The following SUCLG2 variants were observed in gnomAD, a reference collection of about 807,000 sequenced individuals.
The protein encoded by SUCLG2 is succinate--CoA ligase [GDP-forming] subunit beta, mitochondrial.
Under a neutral mutation model 47.9 loss-of-function variants are expected in SUCLG2, and 42 were observed. The ratio of observed to expected loss-of-function variants is 0.88; its 90% CI spans 0.69 to 1.14. The LOEUF (loss-of-function observed/expected upper bound fraction) is 1.14, where lower values mean the gene tolerates loss of function less well. SUCLG2 is among the 50% of genes most tolerant of loss of function. The pLI is 0.00. For synonymous variants in SUCLG2, 195 were observed against 197.3 expected (o/e 0.99, Z 0.10); for missense variants, 571 against 525.9 (o/e 1.09, Z -0.84).
rs540309118 is a variant in SUCLG2, at chr3:67,649,302, C to G, written c.84+5201G>C. ...TATAGGCCAGTTGTACCTCTGTGCC[C>G]TCTGAAGGTAGGAGCTGTGTTTCTT... On this transcript the variant is annotated intron_variant, in intron 1 of 10. Transcript: ENST00000307227. 9.2e-5 allele frequency among the ~76,000 whole-genome samples: 14 copies of G among 152,270 alleles called. No individual in the cohort carries two copies. The East Asian group carries it at 2.7e-3, about 29-fold the overall frequency.
rs565820463 is a variant in SUCLG2, at chr3:67,454,406, A to T, written c.1062+41392T>A. ...AAACTAAGAAAAACATCAAATATATAAAAAAAAAATAGAAGGTGAAATAAT... is the reference window on the plus strand; with the variant it reads ...AAACTAAGAAAAACATCAAATATATTAAAAAAAAATAGAAGGTGAAATAAT... On this transcript the variant is annotated intron_variant, in intron 9 of 10. Transcript: ENST00000307227. Among the ~76,000 whole-genome samples the T allele has an allele frequency of 0.032, 212 of 6,692 alleles. 3 individuals are homozygous for T. In the East Asian group the frequency reaches 0.38, roughly 12 times the overall value. The allele number at this position is 6,692 out of a possible 152,430, so 4.4% of individuals were successfully genotyped here.
At chr3:67,564,567 G>C (rs1287974041) in intron 2 of SUCLG2, among the ~76,000 whole-genome samples, 1 of 152,236 alleles carries the variant, frequency 6.6e-6, no homozygotes, top group Non-Finnish European at 1.5e-5. Flanking sequence ...AATCATCTGT[G>C]TTTCAGATTC....
At chr3:67,405,034 G>T (rs4443191) in intron 9 of SUCLG2, among the ~76,000 whole-genome samples, 70,771 of 149,300 alleles carry the variant, frequency 0.47, 17,426 homozygotes, top group Middle Eastern at 0.68. Flanking sequence ...AGACTCTCCC[G>T]GAAGATCCCA....
At position 67,360,594 on chromosome 3, in the gene SUCLG2, A is replaced by G. The variant is rs752246281; in HGVS notation, c.*35T>C. 3.4e-6 allele frequency: 5 copies of G among 1,460,564 alleles called. No homozygotes were observed. The South Asian group carries it at 6.8e-5, about 20-fold the overall frequency. 90.5% of individuals were successfully genotyped at this position (1,460,564 alleles called of 1,614,324 possible). A position where few individuals can be genotyped will look rare whatever the true frequency, so the allele number is the denominator to read the frequency against. ...GTGATGATATTCATTAATTTGGAAA[A>G]GTAATCTCAGCAAGTATCTTAGCAA... On this transcript the variant is annotated 3_prime_UTR_variant, in exon 11 of 11. Transcript: ENST00000493112.
intron 2 of SUCLG2, among the ~76,000 whole-genome samples, chr3:67,572,492 C>T (rs966617240): frequency 6.6e-6 from 1 of 152,152 alleles, no homozygotes; most frequent in Non-Finnish European, 1.5e-5. Flanking sequence ...TATCAGTGTT[C>T]TTACAAACAT....
intron 1 of SUCLG2, among the ~76,000 whole-genome samples, chr3:67,636,438 T>C (rs1188639819): frequency 6.6e-6 from 1 of 151,512 alleles, no homozygotes; most frequent in Non-Finnish European, 1.5e-5. Context: ...CTGCAAGCTC[T>C]GCCTCCCGGG....
intron 9 of SUCLG2, among the ~76,000 whole-genome samples, chr3:67,467,964 T>G (rs1704514277): frequency 6.6e-6 from 1 of 152,142 alleles, no homozygotes; most frequent in Admixed American, 6.5e-5. Context: ...CGAGAAATGC[T>G]ATTGTGAAAA....
intron 9 of SUCLG2, among the ~76,000 whole-genome samples, chr3:67,402,613 G>A (rs1312146418): frequency 6.6e-6 from 1 of 152,212 alleles, no homozygotes; most frequent in Non-Finnish European, 1.5e-5. Flanking sequence ...GAACTTGCCA[G>A]AACAATAGAA....
intron 9 of SUCLG2, among the ~76,000 whole-genome samples, chr3:67,484,892 T>G (rs964021506): frequency 6.6e-6 from 1 of 152,176 alleles, no homozygotes; most frequent in African/African-American, 2.4e-5. Context: ...CACAGAGAAA[T>G]CAGTGGAATC....
At chr3:67,380,984 C>T (rs1362650210) in intron 10 of SUCLG2, among the ~76,000 whole-genome samples, 1 of 151,882 alleles carries the variant, frequency 6.6e-6, no homozygotes, top group East Asian at 1.9e-4. Flanking sequence ...GTTGAGGGAA[C>T]AACTGGAAGG....
At chr3:67,371,165 A>G (rs2106749742), downstream of SUCLG2, among the ~76,000 whole-genome samples, 1 of 152,288 alleles carries the variant, frequency 6.6e-6, no homozygotes, top group South Asian at 2.1e-4. Context: ...AGAGCTCCCA[A>G]TAAACATGCC....
chr3:67,526,103 T>C (rs74664012), intron 4 of SUCLG2, among the ~76,000 whole-genome samples: 1 of 152,186 alleles, frequency 6.6e-6, no homozygotes, highest in Non-Finnish European at 1.5e-5. Context: ...ATATGGCCTT[T>C]CTTGCTTCAT....
intron 10 of SUCLG2, among the ~76,000 whole-genome samples, chr3:67,396,519 G>A: frequency 6.6e-6 from 1 of 152,236 alleles, no homozygotes; most frequent in African/African-American, 2.4e-5. Context: ...CTGAAATTGT[G>A]GCAATAATCA....
At chr3:67,415,075 C>T (rs1396328235) in intron 9 of SUCLG2, among the ~76,000 whole-genome samples, 3 of 152,074 alleles carry the variant, frequency 2.0e-5, no homozygotes, top group Non-Finnish European at 2.9e-5. Context: ...AGGCTGGTCC[C>T]GAAATCCTGG....
chr3:67,393,199 G>A (rs960973182), intron 10 of SUCLG2, among the ~76,000 whole-genome samples: 5 of 152,328 alleles, frequency 3.3e-5, no homozygotes, highest in African/African-American at 1.2e-4. Context: ...CACCATGCAC[G>A]AGCCAAAGCA....
At chr3:67,497,418 T>C (rs920966464) in intron 8 of SUCLG2, among the ~76,000 whole-genome samples, 10 of 152,170 alleles carry the variant, frequency 6.6e-5, no homozygotes, top group African/African-American at 2.4e-4. Context: ...TGAACAATAA[T>C]AGAAACTGTA....
chr3:67,449,358 C>T (rs1559530868), intron 9 of SUCLG2, among the ~76,000 whole-genome samples: 1 of 152,178 alleles, frequency 6.6e-6, no homozygotes, highest in East Asian at 1.9e-4. Context: ...CAGGCAGTCA[C>T]TGTCACATAT....
At chr3:67,387,818 T>G (rs751630390) in intron 10 of SUCLG2, among the ~76,000 whole-genome samples, 4 of 152,192 alleles carry the variant, frequency 2.6e-5, no homozygotes, top group Non-Finnish European at 5.9e-5. Context: ...TTTAACTAAA[T>G]GTACTTCCAA....
In SUCLG2 at chr3:67,391,666, C is replaced by G. The variant is rs544060750; in HGVS notation, c.1183+9065G>C. ...CATTTTCATTCAGAATATTAGAGCC[C>G]AAGATTTGCTGCTAACACCCAGAAT... On this transcript the variant is annotated intron_variant, in intron 10 of 10. Transcript: ENST00000307227. Among the ~76,000 whole-genome samples the G allele has an allele frequency of 3.3e-5, 5 of 152,158 alleles. No homozygotes were observed. In the South Asian group the frequency reaches 1.0e-3, roughly 32 times the overall value.
Sources: allele counts gnomAD v4.1 joint callset (sites outside exome capture counted in the v4.1 genomes callset), GRCh38; gene constraint gnomAD v4.1.1; transcripts MANE v1.5; gene names NCBI Gene and HGNC (gene_info 2026-07-23, HGNC 2026-07-21).